PGM2L1: variants seen among roughly 807,000 people sequenced by gnomAD.
The protein encoded by PGM2L1 is phosphoglucomutase 2 like 1.
A neutral mutation model predicts 73.4 loss-of-function variants in PGM2L1; 35 were observed. The ratio of observed to expected loss-of-function variants is 0.48; its 90% confidence interval spans 0.36 to 0.63. The LOEUF is 0.63. Among genes scored for constraint, PGM2L1 ranks in the 30% least tolerant of loss-of-function variants. The probability of loss-of-function intolerance (pLI) is 0.00; values close to 1 mark genes in which losing one functional copy is unlikely to be tolerated. For missense variants in PGM2L1, 570 were observed against 742.0 expected, an observed-to-expected ratio of 0.77 and a Z score of 2.69; for synonymous variants, 225 against 253.8, an observed-to-expected ratio of 0.89 and a Z score of 1.08.
chr11:74,347,316 G>T lies in PGM2L1; in HGVS notation c.771C>A (p.Thr257=). Reference sequence around the variant, plus strand: ...GAAAAGATGTGTGCACAAATTTCAAGGTGGTCTTCGAGTTTAACTCCCTGT... The same window carrying T: ...GAAAAGATGTGTGCACAAATTTCAATGTGGTCTTCGAGTTTAACTCCCTGT... The part of the protein sequence containing the change: ...CFYRELNSKT[T]LKFVHTSFHG... Residue 257 remains threonine (T), a synonymous_variant, in exon 7 of 14, where the codon ACC becomes ACA. Coordinates refer to ENST00000298198, the MANE Select transcript of PGM2L1 (RefSeq NM_173582.6). The T allele has an allele frequency of 1.3e-6, 2 of 1,599,652 alleles. No individual in the cohort carries two copies. Among genetic ancestry groups the T allele is most frequent in the Non-Finnish European group, 8.5e-7 (1 of 1,174,006 alleles).
At chr11:74,349,235 T>C (rs955331611) in intron 6 of PGM2L1, among the ~76,000 whole-genome samples, 7 of 152,254 alleles carry the variant, frequency 4.6e-5, no homozygotes, top group African/African-American at 1.2e-4. Flanking sequence ...CAAACATTTA[T>C]TGATTTTCAG....
intron 13 of PGM2L1, among the ~76,000 whole-genome samples, chr11:74,337,754 G>A (rs920634175): frequency 1.3e-5 from 2 of 152,096 alleles, no homozygotes; most frequent in Non-Finnish European, 2.9e-5. Flanking sequence ...AATACTTAAA[G>A]CTCAGAGAAT....
chr11:74,370,165 T>C (rs1862730041), intron 4 of PGM2L1, among the ~76,000 whole-genome samples: 1 of 152,184 alleles, frequency 6.6e-6, no homozygotes, highest in South Asian at 2.1e-4. Context: ...CTTTTCCCTA[T>C]ACATTTTTAA....
chr11:74,357,605 G>A (rs1862479372), intron 5 of PGM2L1, among the ~76,000 whole-genome samples: 1 of 152,222 alleles, frequency 6.6e-6, no homozygotes. Context: ...AGCCACTTTA[G>A]AGACAGTTTG....
chr11:74,396,024 G>A (rs1863170272), intron 1 of PGM2L1, among the ~76,000 whole-genome samples: 1 of 151,978 alleles, frequency 6.6e-6, no homozygotes, highest in Non-Finnish European at 1.5e-5. Context: ...GGCTGAGGTG[G>A]GAGAATCCCT....
intron 8 of PGM2L1, 89 bp downstream of exon 8, chr11:74,346,643 C>A: frequency 3.0e-6 from 3 of 1,001,424 alleles, no homozygotes; most frequent in Middle Eastern, 2.2e-4. Context: ...CTTTTCTTAT[C>A]TTTTCATTAT....
intron 1 of PGM2L1, among the ~76,000 whole-genome samples, chr11:74,392,943 C>T (rs938227952): frequency 2.0e-5 from 3 of 152,260 alleles, no homozygotes; most frequent in East Asian, 3.9e-4. Flanking sequence ...GATAAGAATA[C>T]AGTAAAAGTC....
At chr11:74,380,168 AT>A (rs1174091560) in intron 1 of PGM2L1, among the ~76,000 whole-genome samples, 4 of 152,196 alleles carry the variant, frequency 2.6e-5, no homozygotes, top group African/African-American at 9.7e-5. Context: ...AGACAAACAA[AT>A]TTTAAAGTTT....
intron 1 of PGM2L1, among the ~76,000 whole-genome samples, chr11:74,387,264 G>A (rs1297050391): frequency 6.6e-6 from 1 of 152,134 alleles, no homozygotes; most frequent in Non-Finnish European, 1.5e-5. Flanking sequence ...AAAGGTTGGG[G>A]TCAGATCCCA....
intron 1 of PGM2L1, among the ~76,000 whole-genome samples, chr11:74,376,617 A>G (rs2134936718): frequency 6.6e-6 from 1 of 152,006 alleles, no homozygotes; most frequent in East Asian, 1.9e-4. Context: ...ATACGTATGT[A>G]TACACACACA....
rs1387403839 is a variant in PGM2L1, at chr11:74,352,204, A to G, written c.556-628T>C. 2.0e-5 allele frequency among the ~76,000 whole-genome samples: 3 copies of G among 152,098 alleles called. 1 individual carries two copies. The highest frequency in any genetic ancestry group is 4.1e-4 in the South Asian group (2 of 4,832). Reference sequence around the variant, plus strand: ...GATAACATTATAATATGCATATGCCATAGTATCCAATTATACTCTTAAACC... The same window carrying G: ...GATAACATTATAATATGCATATGCCGTAGTATCCAATTATACTCTTAAACC... On this transcript the variant is annotated intron_variant, in intron 5 of 13. Transcript: ENST00000298198.
At position 74,343,825 on chromosome 11, in the gene PGM2L1, C is replaced by T. The variant is rs573006131; in HGVS notation, c.1219-409G>A. Among the ~76,000 whole-genome samples the T allele has an allele frequency of 3.0e-3, 359 of 121,042 alleles. 3 individuals carry two copies. Among genetic ancestry groups the T allele is most frequent in the African/African-American group, 0.011 (333 of 30,802 alleles). 79.4% of individuals were successfully genotyped at this position (121,042 alleles called of 152,430 possible). ...ACGGAGTCTCGCTCTGTCACCCAGGCTGGAGTGCAGTGGCGCAATTTCAGC... is the reference window on the plus strand; with the variant it reads ...ACGGAGTCTCGCTCTGTCACCCAGGTTGGAGTGCAGTGGCGCAATTTCAGC... On this transcript the variant is annotated intron_variant, in intron 9 of 13. Coordinates refer to ENST00000298198, the MANE Select transcript of PGM2L1 (RefSeq NM_173582.6).
chr11:74,396,804 A>C (rs1185261657), intron 1 of PGM2L1, among the ~76,000 whole-genome samples: 2 of 152,238 alleles, frequency 1.3e-5, no homozygotes, highest in African/African-American at 4.8e-5. Context: ...ATCTATAAGC[A>C]CATTAAGGTT....
intron 5 of PGM2L1, among the ~76,000 whole-genome samples, chr11:74,365,502 C>G (rs1376054169): frequency 8.5e-5 from 13 of 152,208 alleles, no homozygotes; most frequent in Admixed American, 8.5e-4. Flanking sequence ...CTACAAATAA[C>G]TCAAACAAAT....
At chr11:74,380,678 T>A (rs12225215) in intron 1 of PGM2L1, among the ~76,000 whole-genome samples, 25,392 of 152,096 alleles carry the variant, frequency 0.17, 2,332 homozygotes, top group East Asian at 0.28. Context: ...TATCTTTTTT[T>A]AAAAAAACTA....
chr11:74,365,252 C>T lies in PGM2L1; in HGVS notation c.555+3240G>A, dbSNP rs560554777. Among the ~76,000 whole-genome samples the T allele has an allele frequency of 2.6e-5, 4 of 152,218 alleles. No homozygotes were observed. The East Asian group carries it at 5.8e-4, about 22-fold the overall frequency. On this transcript the variant is annotated intron_variant, in intron 5 of 13. Transcript: ENST00000298198. ...AAGACTTAAATGTTAGACCTAAAAC[C>T]GTAAAAATCCCAGAAGAAAACCTAG...
intron 1 of PGM2L1, among the ~76,000 whole-genome samples, chr11:74,385,802 A>G (rs1021180426): frequency 1.1e-4 from 16 of 152,136 alleles, no homozygotes; most frequent in African/African-American, 3.9e-4. Flanking sequence ...TTTTCAATAA[A>G]GCCCAAATTC....
intron 1 of PGM2L1, among the ~76,000 whole-genome samples, chr11:74,378,455 A>T (rs756765933): frequency 2.6e-5 from 4 of 152,350 alleles, no homozygotes; most frequent in Middle Eastern, 3.4e-3. Flanking sequence ...GTACTCCAAA[A>T]AAGTAATCCT....
chr11:74,347,169 A>G lies in PGM2L1; in HGVS notation c.918T>C (p.Pro306=), dbSNP rs745533470. Residue 306 remains proline (P), a synonymous_variant, in exon 7 of 14, where the codon CCT becomes CCC. Transcript: ENST00000298198. ...ATACCAGCACAGATTCTCCTTCTTC[A>G]GGATTTGGACATTTAACGGTAGAAA... is the stretch of plus-strand genomic sequence containing the variant. ...PDFSTVKCPN[P]EEGESVLELS... is the part of the protein sequence containing the mutation. 13 of 1,581,452 alleles carry G rather than the reference A, an allele frequency of 8.2e-6. No individual in the cohort carries two copies. In the East Asian group the frequency reaches 2.9e-4, roughly 36 times the overall value.
Sources: allele counts gnomAD v4.1 joint callset (sites outside exome capture counted in the v4.1 genomes callset), GRCh38; gene constraint gnomAD v4.1.1; transcripts MANE v1.5; gene names NCBI Gene and HGNC (gene_info 2026-07-23, HGNC 2026-07-21).